TMC6: variants seen among roughly 807,000 people sequenced by gnomAD.
The protein encoded by TMC6 is transmembrane channel like 6, also known as transmembrane channel-like protein 6.
TMC6 carries 71 observed loss-of-function variants against 95.4 expected under a neutral mutation model. That is an observed-to-expected ratio of 0.74 (90% confidence interval 0.61 to 0.91). The LOEUF (loss-of-function observed/expected upper bound fraction) is 0.91. Ranked by LOEUF, TMC6 falls within the 40% of genes least tolerant of loss-of-function variation. The pLI is 0.00. For synonymous variants in TMC6, 514 were observed against 483.1 expected (o/e 1.06, Z -0.84); for missense variants, 1,074 against 1,079.1 (o/e 1.00, Z 0.07).
chr17:78,122,502 C>A lies in TMC6; in HGVS notation c.1227+103G>T. The stretch of plus-strand genomic sequence containing the variant: ...CCGAGTTCAGCTCACGGACAGCTGG[C>A]CCTCCCTCTAGACCATGGTTCTGGT... On this transcript the variant is annotated intron_variant, in intron 10 of 19. Coordinates refer to ENST00000590602, the MANE Select transcript of TMC6 (RefSeq NM_001127198.5). The surrounding 1 kb of genome is among the most constrained non-coding windows in gnomAD (Gnocchi z 4.9). 3 of 1,530,256 alleles carry A rather than the reference C, an allele frequency of 2.0e-6. No homozygotes were observed. The highest frequency in any genetic ancestry group is 2.6e-6 in the Non-Finnish European group (3 of 1,136,052). The allele number at this position is 1,530,256 out of a possible 1,614,324, so 94.8% of individuals were successfully genotyped here.
rs1567977956 is a variant in TMC6 at position 78,112,806 on chromosome 17, C to G, written c.*342G>C. ...TCTGGGGCTTGGCCAGCAGAGGGCG[C>G]CCCCACTCCAGCTGAGGTTCCCAGG... On this transcript the variant is annotated 3_prime_UTR_variant, in exon 20 of 20. Coordinates refer to ENST00000590602, the MANE Select transcript of TMC6 (RefSeq NM_001127198.5). 2.5e-6 allele frequency: 1 copy of G among 399,996 alleles called. No individual in the cohort carries two copies. Among genetic ancestry groups the G allele is most frequent in the Non-Finnish European group, 4.5e-6 (1 of 220,054 alleles). 24.8% of individuals were successfully genotyped at this position (399,996 alleles called of 1,614,324 possible).
chr17:78,122,518 T>C lies in TMC6; in HGVS notation c.1227+87A>G, dbSNP rs2145255979. 1 of 1,573,142 alleles carries C rather than the reference T, an allele frequency of 6.4e-7. No individual in the cohort carries two copies. Among genetic ancestry groups the C allele is most frequent in the Non-Finnish European group, 8.6e-7 (1 of 1,163,366 alleles). ...GACAGCTGGCCCTCCCTCTAGACCA[T>C]GGTTCTGGTCACATGGTCCTAAGTG... On this transcript the variant is annotated intron_variant, in intron 10 of 19. Coordinates refer to ENST00000590602, the MANE Select transcript of TMC6 (RefSeq NM_001127198.5). The surrounding 1 kb of genome is among the most constrained non-coding windows in gnomAD (Gnocchi z 4.9).
chr17:78,110,439 A>C lies in TMC6; in HGVS notation c.*2709T>G, dbSNP rs2144791517. On this transcript the variant is annotated 3_prime_UTR_variant, in exon 20 of 20. Coordinates refer to ENST00000590602, the MANE Select transcript of TMC6 (RefSeq NM_001127198.5). ...CAGTGAGCCGAGATCATGGAACTGC[A>C]CTCCAGCCTGGGCAAGAGCAAGACT... 1 of 152,152 alleles carries C rather than the reference A, an allele frequency of 6.6e-6. No homozygotes were observed. The highest frequency in any genetic ancestry group is 2.1e-4 in the South Asian group (1 of 4,816). 9.4% of individuals were successfully genotyped at this position (152,152 alleles called of 1,614,324 possible).
Position 78,121,619 on chromosome 17 carries a change from C to A in TMC6, c.1320G>T (p.Leu440=). ...QAAVLGLVWL[L]CLGTALGCAV... ...CGCAGCCCAGCGCGGTCCCCAGACACAGCAGCCACACAAGCCCCAGCACAG... is the reference window on the plus strand; with the variant it reads ...CGCAGCCCAGCGCGGTCCCCAGACAAAGCAGCCACACAAGCCCCAGCACAG... The change falls in exon 11 of 20, where the codon CTG becomes CTT. Residue 440 remains leucine, a synonymous_variant. Coordinates refer to ENST00000590602, the MANE Select transcript of TMC6 (RefSeq NM_001127198.5). The surrounding 1 kb of genome is among the most constrained non-coding windows in gnomAD (Gnocchi z 5.6). The A allele has an allele frequency of 3.7e-6, 6 of 1,610,526 alleles. No homozygotes were observed. The highest frequency in any genetic ancestry group is 5.1e-6 in the Non-Finnish European group (6 of 1,179,484).
intron 4 of TMC6, 35 bp downstream of exon 4, chr17:78,126,236 TCGGGGC>T (rs769078576): frequency 3.9e-6 from 6 of 1,539,234 alleles, no homozygotes; most frequent in Non-Finnish European, 4.4e-6. Context: ...TGGGGTCAAC[TCGGGGC>T]CGGGGCCGAG....
intron 9 of TMC6, chr17:78,123,085 T>A: frequency 2.4e-6 from 1 of 422,768 alleles, no homozygotes; most frequent in South Asian, 2.1e-5. Context: ...CCAAAACATC[T>A]TCCCTGCTTC....
chr17:78,119,417 T>TA, intron 13 of TMC6, 25 bp from the exon 14 acceptor site: 1 of 1,612,612 alleles, frequency 6.2e-7, no homozygotes, highest in African/African-American at 1.3e-5. Context: ...CCCGGATCGT[T>TA]AGATGGGAAA....
chr17:78,113,009 C>A lies in TMC6; in HGVS notation c.*139G>T. 1.0e-6 allele frequency: 1 copy of A among 967,316 alleles called. No individual in the cohort carries two copies. The highest frequency in any genetic ancestry group is 1.6e-6 in the Non-Finnish European group (1 of 634,708). The allele number at this position is 967,316 out of a possible 1,614,324, so 59.9% of individuals were successfully genotyped here. A position where few individuals can be genotyped will look rare whatever the true frequency, so the allele number is the denominator to read the frequency against. On this transcript the variant is annotated 3_prime_UTR_variant, in exon 20 of 20. Transcript: ENST00000590602. The stretch of plus-strand genomic sequence containing the variant: ...GCCCAAGCCGGATTCACCCACCCTT[C>A]CAGCTCCAGCCTAGGCGCAGCTGCG...
rs878895138 is a variant in TMC6, at chr17:78,121,778, GCACAACACA to G, written c.1228-76_1228-68del. 12 of 1,509,078 alleles carry G rather than the reference GCACAACACA, an allele frequency of 8.0e-6. No homozygotes were observed. Among genetic ancestry groups the G allele is most frequent in the South Asian group, 1.3e-5 (1 of 79,836 alleles). 93.5% of individuals were successfully genotyped at this position (1,509,078 alleles called of 1,614,324 possible). ...GGGCACACGCAGACGTGCAGACACA[GCACAACACA>G]CACAACACACATGAGACACACCAGG... On this transcript the variant is annotated intron_variant, in intron 10 of 19. Coordinates refer to ENST00000590602, the MANE Select transcript of TMC6 (RefSeq NM_001127198.5). The surrounding 1 kb of genome is among the most constrained non-coding windows in gnomAD (Gnocchi z 5.6).
At chr17:78,114,968 A>G (rs1001121219) in intron 18 of TMC6, among the ~76,000 whole-genome samples, 2 of 152,174 alleles carry the variant, frequency 1.3e-5, no homozygotes, top group African/African-American at 4.8e-5. Flanking sequence ...GCCCGGACCC[A>G]CCTGGCCCTA....
In TMC6 at chr17:78,124,648, A is replaced by AG. The variant is rs767448500; in HGVS notation, c.766dup (p.Leu256ProfsTer57). On this transcript the variant is annotated frameshift_variant, in exon 8 of 20. Coordinates refer to ENST00000590602, the MANE Select transcript of TMC6 (RefSeq NM_001127198.5). LOFTEE classifies it high-confidence loss of function. ...CAGCAGCAGGAGGGCATTGAAAGCC[A>AG]GCAGGGTCTTGAGAAAGAGGAAGTA... 1.2e-6 allele frequency: 2 copies of AG among 1,611,974 alleles called. No individual in the cohort carries two copies. The highest frequency in any genetic ancestry group is 1.7e-6 in the Non-Finnish European group (2 of 1,179,552).
chr17:78,128,362 C>A lies in TMC6; in HGVS notation c.-75+250G>T, dbSNP rs1361357569. ...CTCCCCTCCCCTCCCCGTGCCCTGG[C>A]GCTCGGCTGGGGGACCTGGGTGGGG... On this transcript the variant is annotated intron_variant, in intron 1 of 19. Transcript: ENST00000590602. This position sits in a 1 kb window ranked among gnomAD's most constrained non-coding sequence, Gnocchi z 4.0. Among the ~76,000 whole-genome samples the A allele has an allele frequency of 6.6e-6, 1 of 152,098 alleles. No homozygotes were observed. The highest frequency in any genetic ancestry group is 1.9e-4 in the East Asian group (1 of 5,174).
In TMC6 at chr17:78,121,504, A is replaced by G. The variant is rs2074411710; in HGVS notation, c.1383+52T>C. On this transcript the variant is annotated intron_variant, in intron 11 of 19. Coordinates refer to ENST00000590602, the MANE Select transcript of TMC6 (RefSeq NM_001127198.5). This position sits in a 1 kb window ranked among gnomAD's most constrained non-coding sequence, Gnocchi z 5.6. ...GCCTCCCCAGGGGGCAGGTGCCCAG[A>G]GTCACTGGGGACACGTTCCAAGCAA... The G allele has an allele frequency of 6.2e-6, 10 of 1,609,486 alleles. No individual in the cohort carries two copies. Among genetic ancestry groups the G allele is most frequent in the Non-Finnish European group, 8.5e-6 (10 of 1,179,164 alleles).
In TMC6 at chr17:78,111,850, G is replaced by A; in HGVS notation, c.*1298C>T. ...CAGCTCCTGCAGGCCTGGAGCCCTG[G>A]GCTGTGACAGGCTGGTCCCCACAAG... On this transcript the variant is annotated 3_prime_UTR_variant, in exon 20 of 20. Transcript: ENST00000590602. The A allele has an allele frequency of 4.8e-6, 1 of 210,112 alleles. No individual in the cohort carries two copies. The highest frequency in any genetic ancestry group is 5.1e-5 in the South Asian group (1 of 19,766). The allele number at this position is 210,112 out of a possible 1,614,324, so 13.0% of individuals were successfully genotyped here. A position where few individuals can be genotyped will look rare whatever the true frequency, so the allele number is the denominator to read the frequency against.
At position 78,117,905 on chromosome 17, in the gene TMC6, G is replaced by A. The variant is rs372881492; in HGVS notation, c.1918C>T (p.Arg640Cys). ...TSLLANCQAPRRPWLASHMST... is the reference protein window; with the variant it reads ...TSLLANCQAPCRPWLASHMST... The stretch of plus-strand genomic sequence containing the variant: ...ATGTGTGAGGCCAGCCAGGGCCGGC[G>A]CGGCGCCTGGCAGTTGGCCAGAAGG... The change falls in exon 16 of 20, where the codon CGC becomes TGC. Residue 640 changes from arginine to cysteine, a missense_variant. Transcript: ENST00000590602. 49 of 1,604,312 alleles carry A rather than the reference G, an allele frequency of 3.1e-5. No homozygotes were observed. Among genetic ancestry groups the A allele is most frequent in the African/African-American group, 2.9e-4 (22 of 75,016 alleles).
At chr17:78,117,147 T>G in intron 18 of TMC6, 122 bp downstream of exon 18, 1 of 1,039,898 alleles carries the variant, frequency 9.6e-7, no homozygotes, top group East Asian at 2.4e-5. Context: ...GTCACTTGTT[T>G]GGCAAACAAA....
chr17:78,125,612 G>A (rs1187696335), intron 5 of TMC6, 114 bp downstream of exon 5: 1 of 1,466,226 alleles, frequency 6.8e-7, no homozygotes, highest in Non-Finnish European at 9.1e-7. Context: ...CTAAGGGATA[G>A]GAGAGGGGCC....
At position 78,111,761 on chromosome 17, in the gene TMC6, CT is replaced by C. The variant is rs1179949666; in HGVS notation, c.*1386del. 2 of 184,510 alleles carry C rather than the reference CT, an allele frequency of 1.1e-5. No homozygotes were observed. Among genetic ancestry groups the C allele is most frequent in the African/African-American group, 2.4e-5 (1 of 41,706 alleles). 11.4% of individuals were successfully genotyped at this position (184,510 alleles called of 1,614,324 possible). A position where few individuals can be genotyped will look rare whatever the true frequency, so the allele number is the denominator to read the frequency against. ...GTGGCATCTCCATCTGGGTCTGACC[CT>C]TTTCTGGGCCCATCGCTCTTTGACC... is the stretch of plus-strand genomic sequence containing the variant. On this transcript the variant is annotated 3_prime_UTR_variant, in exon 20 of 20. Coordinates refer to ENST00000590602, the MANE Select transcript of TMC6 (RefSeq NM_001127198.5).
chr17:78,127,650 A>G (rs1220546687), intron 1 of TMC6, among the ~76,000 whole-genome samples: 1 of 152,194 alleles, frequency 6.6e-6, no homozygotes, highest in Non-Finnish European at 1.5e-5. Context: ...GCCAGGACTC[A>G]GCTCCCAGCC....
Sources: allele counts gnomAD v4.1 joint callset (sites outside exome capture counted in the v4.1 genomes callset), GRCh38; gene constraint gnomAD v4.1.1; non-coding constraint Gnocchi (gnomAD v3.1); transcripts MANE v1.5; gene names NCBI Gene and HGNC (gene_info 2026-07-23, HGNC 2026-07-21).